Variants in RAD51B observed in about 807,000 individuals in gnomAD.
RAD51B encodes RAD51 paralog B, also known as DNA repair protein RAD51 homolog 2.
Under a neutral mutation model 42.2 loss-of-function variants are expected in RAD51B, and 38 were observed. The observed-to-expected ratio is 0.90, with a 90% CI of 0.70 to 1.18. The LOEUF (loss-of-function observed/expected upper bound fraction) is 1.18, where lower values mean the gene tolerates loss of function less well. Among genes scored for constraint, RAD51B ranks in the 50% most tolerant of loss-of-function variants. The probability of loss-of-function intolerance (pLI) is 0.00; values close to 1 mark genes in which losing one functional copy is unlikely to be tolerated. For synonymous variants in RAD51B, 154 were observed against 145.2 expected, an observed-to-expected ratio of 1.06 and a Z score of -0.43; for missense variants, 373 against 400.7, an observed-to-expected ratio of 0.93 and a Z score of 0.59.
chr14:67,918,249 T>A (rs1031422612), intron 7 of RAD51B, among the ~76,000 whole-genome samples: 3 of 152,120 alleles, frequency 2.0e-5, no homozygotes, highest in Admixed American at 2.0e-4. Context: ...TTATTTATTT[T>A]TTTGAGATGG....
At chr14:68,631,748 C>T (rs751194958) in intron 10 of RAD51B, among the ~76,000 whole-genome samples, 4 of 152,182 alleles carry the variant, frequency 2.6e-5, no homozygotes, top group African/African-American at 4.8e-5. Context: ...TCTGTCCTAC[C>T]TCCTTGGCTG....
intron 7 of RAD51B, among the ~76,000 whole-genome samples, chr14:68,128,988 A>G (rs1399988357): frequency 2.0e-5 from 3 of 152,166 alleles, no homozygotes; most frequent in Admixed American, 6.5e-5. Context: ...ACTACTTTGT[A>G]TCTTGCTCTT....
At chr14:68,555,529 G>A (rs190915972) in intron 10 of RAD51B, among the ~76,000 whole-genome samples, 2 of 152,290 alleles carry the variant, frequency 1.3e-5, no homozygotes, top group Non-Finnish European at 2.9e-5. Context: ...TGGGACCCAG[G>A]TGGATCACAG....
rs1182428209 is a variant in RAD51B, at chr14:68,283,169, T to C, written c.757-8715T>C. ...TCCTTGTAAATCAAAGGGAGGGGAA[T>C]CCCCAGAGCCCAGGAGTACACATGA... On this transcript the variant is annotated intron_variant, in intron 7 of 10. Coordinates refer to ENST00000471583, the MANE Select transcript of RAD51B (RefSeq NM_133510.4). Among the ~76,000 whole-genome samples, 5 of 152,008 alleles carry C rather than the reference T, an allele frequency of 3.3e-5. No homozygotes were observed. The East Asian group carries it at 5.8e-4, about 18-fold the overall frequency.
At chr14:68,074,134 C>T (rs543216547) in intron 7 of RAD51B, among the ~76,000 whole-genome samples, 3 of 152,120 alleles carry the variant, frequency 2.0e-5, no homozygotes, top group Non-Finnish European at 4.4e-5. Context: ...AAGTTGCTTG[C>T]TCTCTCTTTC....
Position 67,865,099 on chromosome 14 carries a change from G to A in RAD51B, c.412G>A (p.Val138Met), listed in dbSNP as rs766348948. Reference protein sequence around the residue: ...PTNMGGLEGAVVYIDTESAFS... With the variant: ...PTNMGGLEGAMVYIDTESAFS... The stretch of plus-strand genomic sequence containing the variant: ...CAACATGGGAGGATTAGAAGGAGCT[G>A]TGGTGTACATTGACACAGAGTCTGC... The change falls in exon 5 of 11, where the codon GTG becomes ATG. Residue 138 changes from valine (V) to methionine (M), a missense_variant. By Grantham distance (21) the Val-to-Met change is conservative. Transcript: ENST00000471583. 6.2e-6 allele frequency: 10 copies of A among 1,601,108 alleles called. No homozygotes were observed. Among genetic ancestry groups the A allele is most frequent in the African/African-American group, 1.4e-5 (1 of 73,716 alleles).
At chr14:67,917,036 C>T (rs1378397342) in intron 7 of RAD51B, among the ~76,000 whole-genome samples, 1 of 152,146 alleles carries the variant, frequency 6.6e-6, no homozygotes, top group Non-Finnish European at 1.5e-5. Flanking sequence ...ATCGTTGAGC[C>T]AGTGACATCT....
intron 7 of RAD51B, among the ~76,000 whole-genome samples, chr14:68,278,799 C>G (rs1005037100): frequency 2.0e-5 from 3 of 152,168 alleles, no homozygotes; most frequent in African/African-American, 7.2e-5. Context: ...TACAGCAAAA[C>G]CCACAAGAAA....
intron 7 of RAD51B, among the ~76,000 whole-genome samples, chr14:67,997,781 T>C (rs2075411652): frequency 6.6e-6 from 1 of 152,238 alleles, no homozygotes; most frequent in Non-Finnish European, 1.5e-5. Flanking sequence ...AGCGAATCTT[T>C]GCTAATTTTA....
At chr14:68,157,621 C>T (rs1158844097) in intron 7 of RAD51B, among the ~76,000 whole-genome samples, 1 of 152,200 alleles carries the variant, frequency 6.6e-6, no homozygotes, top group African/African-American at 2.4e-5. Context: ...ACTACCAGTT[C>T]ACTGTCCTTT....
intron 8 of RAD51B, among the ~76,000 whole-genome samples, chr14:68,404,223 A>G (rs2084199953): frequency 6.6e-6 from 1 of 152,254 alleles, no homozygotes; most frequent in Non-Finnish European, 1.5e-5. Context: ...CAAATTCCAG[A>G]CAATGAAGTT....
chr14:68,620,912 G>A (rs1261514592), intron 10 of RAD51B, among the ~76,000 whole-genome samples: 1 of 152,110 alleles, frequency 6.6e-6, no homozygotes, highest in East Asian at 1.9e-4. Flanking sequence ...GGAGCCAGGG[G>A]GTTTTCATCA....
intron 5 of RAD51B, among the ~76,000 whole-genome samples, chr14:67,869,055 C>T (rs2042429553): frequency 6.6e-6 from 1 of 152,230 alleles, no homozygotes; most frequent in South Asian, 2.1e-4. Flanking sequence ...GAACGCAGTT[C>T]CTCACCAGCA....
In RAD51B at chr14:68,273,155, T is replaced by C. The variant is rs1259701316; in HGVS notation, c.757-18729T>C. Among the ~76,000 whole-genome samples, 3 of 152,192 alleles carry C rather than the reference T, an allele frequency of 2.0e-5. No homozygotes were observed. In the East Asian group the frequency reaches 5.8e-4, roughly 30 times the overall value. On this transcript the variant is annotated intron_variant, in intron 7 of 10. Coordinates refer to ENST00000471583, the MANE Select transcript of RAD51B (RefSeq NM_133510.4). Reference sequence around the variant, plus strand: ...ATTGTCTCTTGATTATTTAGTGTAATGTAGGGGAATAACTGAGATTAACTG... The same window carrying C: ...ATTGTCTCTTGATTATTTAGTGTAACGTAGGGGAATAACTGAGATTAACTG...
chr14:68,268,553 A>C (rs952379373), intron 7 of RAD51B, among the ~76,000 whole-genome samples: 5 of 152,232 alleles, frequency 3.3e-5, no homozygotes, highest in African/African-American at 1.2e-4. Flanking sequence ...TCACAATTAG[A>C]ATCATAAACT....
intron 5 of RAD51B, among the ~76,000 whole-genome samples, chr14:67,870,098 AT>A (rs1436956122): frequency 1.3e-5 from 2 of 150,660 alleles, no homozygotes; most frequent in Admixed American, 6.6e-5. Context: ...TTAACTTTAA[AT>A]GTAAATGGAC....
At chr14:67,846,502 G>A (rs2041620720) in intron 4 of RAD51B, among the ~76,000 whole-genome samples, 1 of 152,146 alleles carries the variant, frequency 6.6e-6, no homozygotes, top group South Asian at 2.1e-4. Flanking sequence ...GTGGCCGAGT[G>A]CATGTTCCTG....
intron 10 of RAD51B, among the ~76,000 whole-genome samples, chr14:68,507,546 C>T (rs185589562): frequency 1.5e-3 from 229 of 152,216 alleles, no homozygotes; most frequent in Non-Finnish European, 6.8e-4. Flanking sequence ...CACCTGTAAG[C>T]GAACATTCTG....
rs565690640 is a variant in RAD51B, at chr14:68,264,170, G to A, written c.757-27714G>A. On this transcript the variant is annotated intron_variant, in intron 7 of 10. Transcript: ENST00000471583. The stretch of plus-strand genomic sequence containing the variant: ...ATTGCTTAAAACAGGGGTGAGGATC[G>A]TGTTTATTCAGGACTATGGCTGTTA... Among the ~76,000 whole-genome samples, 39 of 152,312 alleles carry A rather than the reference G, an allele frequency of 2.6e-4. 1 individual carries two copies. The South Asian group carries it at 7.7e-3, about 30-fold the overall frequency.
Sources: allele counts gnomAD v4.1 joint callset (sites outside exome capture counted in the v4.1 genomes callset), GRCh38; gene constraint gnomAD v4.1.1; transcripts MANE v1.5; gene names NCBI Gene and HGNC (gene_info 2026-07-23, HGNC 2026-07-21).